TMTC2: variants seen among roughly 807,000 people sequenced by gnomAD.
TMTC2 encodes transmembrane O-mannosyltransferase targeting cadherins 2, also known as protein O-mannosyl-transferase TMTC2.
TMTC2 carries 43 observed loss-of-function variants against 82.4 expected under a neutral mutation model. The observed-to-expected ratio is 0.52, with a 90% CI of 0.41 to 0.67. The LOEUF (loss-of-function observed/expected upper bound fraction) is 0.67, where lower values mean the gene tolerates loss of function less well. Ranked by LOEUF, TMTC2 falls within the 30% of genes least tolerant of loss-of-function variation. The pLI, the probability that TMTC2 is intolerant of heterozygous loss-of-function variation, is 0.00. For synonymous variants in TMTC2, 408 were observed against 381.9 expected, an observed-to-expected ratio of 1.07 and a Z score of -0.80; for missense variants, 919 against 1,012.4, an observed-to-expected ratio of 0.91 and a Z score of 1.25.
intron 11 of TMTC2, among the ~76,000 whole-genome samples, chr12:83,082,528 T>C (rs1883507544): frequency 6.6e-6 from 1 of 152,232 alleles, no homozygotes; most frequent in Non-Finnish European, 1.5e-5. Context: ...TAGACTGTGC[T>C]TTCAGGTATA....
chr12:82,775,253 G>A (rs1426863421), intron 1 of TMTC2, among the ~76,000 whole-genome samples: 7 of 151,918 alleles, frequency 4.6e-5, no homozygotes, highest in Admixed American at 2.6e-4. Flanking sequence ...GTTTGAGACC[G>A]GCCTGGACAA....
intron 4 of TMTC2, among the ~76,000 whole-genome samples, chr12:82,947,024 G>A (rs1323805098): frequency 6.6e-6 from 1 of 151,956 alleles, no homozygotes; most frequent in Non-Finnish European, 1.5e-5. Flanking sequence ...TTACAGACGT[G>A]AGCCACCGCA....
At chr12:83,055,659 A>T (rs1040456221) in intron 10 of TMTC2, among the ~76,000 whole-genome samples, 11 of 151,812 alleles carry the variant, frequency 7.2e-5, no homozygotes, top group Non-Finnish European at 1.2e-4. Context: ...AGGGACTAAA[A>T]ACAAACTTTA....
Position 83,032,735 on chromosome 12 carries a change from AT to A in TMTC2, c.2152+1861del, listed in dbSNP as rs537602033. Among the ~76,000 whole-genome samples the A allele has an allele frequency of 8.2e-3, 1,243 of 151,188 alleles. 13 individuals are homozygous for A. Among genetic ancestry groups the A allele is most frequent in the African/African-American group, 0.029 (1,194 of 41,238 alleles). On this transcript the variant is annotated intron_variant, in intron 9 of 11. Coordinates refer to ENST00000321196, the MANE Select transcript of TMTC2 (RefSeq NM_152588.3). ...AATTTTTTATTTTTTATTTTTTTTT[AT>A]TTTTAGTAGAGATAGGGTTTCACCA...
chr12:82,923,321 A>G (rs892472574), intron 3 of TMTC2, among the ~76,000 whole-genome samples: 6 of 151,904 alleles, frequency 3.9e-5, no homozygotes, highest in African/African-American at 1.5e-4. Flanking sequence ...TCCTTTGCCT[A>G]TTTTTCCTCT....
At chr12:82,911,816 G>C (rs7297217) in intron 3 of TMTC2, among the ~76,000 whole-genome samples, 7,922 of 152,098 alleles carry the variant, frequency 0.052, 267 homozygotes, top group Middle Eastern at 0.068. Context: ...TGCCATGTTT[G>C]CTAGGCTGGT....
chr12:83,022,678 G>C (rs1880988967), intron 8 of TMTC2, among the ~76,000 whole-genome samples: 1 of 151,932 alleles, frequency 6.6e-6, no homozygotes, highest in African/African-American at 2.4e-5. Flanking sequence ...TTTTTTAACA[G>C]TCTACACTAG....
intron 8 of TMTC2, among the ~76,000 whole-genome samples, chr12:83,026,314 G>A (rs760546824): frequency 9.2e-5 from 14 of 152,126 alleles, no homozygotes; most frequent in Admixed American, 5.2e-4. Flanking sequence ...AAGGATTTTA[G>A]AAGTTCTCTA....
chr12:82,859,310 C>T (rs1425981745), intron 2 of TMTC2, among the ~76,000 whole-genome samples: 10 of 152,252 alleles, frequency 6.6e-5, no homozygotes, highest in Non-Finnish European at 1.5e-4. Context: ...TCGTGATCTG[C>T]CCGCCTTGGC....
At chr12:83,052,812 C>T (rs946699537) in intron 10 of TMTC2, among the ~76,000 whole-genome samples, 3 of 152,040 alleles carry the variant, frequency 2.0e-5, no homozygotes, top group South Asian at 2.1e-4. Flanking sequence ...TTGTTATATA[C>T]TGGCAGTGAG....
At chr12:82,855,898 A>G (rs1195805940) in intron 1 of TMTC2, among the ~76,000 whole-genome samples, 2 of 152,240 alleles carry the variant, frequency 1.3e-5, no homozygotes, top group Non-Finnish European at 2.9e-5. Context: ...CAGTTTTTAC[A>G]AAGTGCAGAC....
intron 1 of TMTC2, among the ~76,000 whole-genome samples, chr12:82,824,855 A>G (rs897249528): frequency 2.6e-5 from 4 of 152,154 alleles, no homozygotes; most frequent in Non-Finnish European, 2.9e-5. Flanking sequence ...TTGGGAGTCC[A>G]AGGCAGGCAG....
intron 4 of TMTC2, among the ~76,000 whole-genome samples, chr12:82,956,367 T>C (rs1354799217): frequency 6.6e-6 from 1 of 152,036 alleles, no homozygotes; most frequent in Non-Finnish European, 1.5e-5. Context: ...CACAGGCTCA[T>C]AGTAAAGGGT....
At chr12:82,996,311 A>C (rs1592681740) in intron 8 of TMTC2, among the ~76,000 whole-genome samples, 1 of 152,166 alleles carries the variant, frequency 6.6e-6, no homozygotes, top group Non-Finnish European at 1.5e-5. Flanking sequence ...GGTGAAGGGC[A>C]TGGGAGACCT....
intron 11 of TMTC2, among the ~76,000 whole-genome samples, chr12:83,082,854 T>C (rs908492418): frequency 4.6e-5 from 7 of 152,220 alleles, no homozygotes; most frequent in Non-Finnish European, 8.8e-5. Context: ...CTCAGTGACG[T>C]CCCTATTTGG....
chr12:82,698,800 C>T (rs1439398959), intron 1 of TMTC2, among the ~76,000 whole-genome samples: 1 of 152,068 alleles, frequency 6.6e-6, no homozygotes, highest in Non-Finnish European at 1.5e-5. Flanking sequence ...GTCACTTGAA[C>T]ACAAACACTG....
At chr12:83,091,836 T>C (rs1883857879) in intron 11 of TMTC2, among the ~76,000 whole-genome samples, 1 of 152,238 alleles carries the variant, frequency 6.6e-6, no homozygotes, top group Non-Finnish European at 1.5e-5. Context: ...TTAATTCATA[T>C]GGAATTTATT....
At chr12:83,010,751 T>C (rs1880417515) in intron 8 of TMTC2, among the ~76,000 whole-genome samples, 4 of 152,224 alleles carry the variant, frequency 2.6e-5, no homozygotes, top group Admixed American at 2.6e-4. Flanking sequence ...ATTCGTGAGA[T>C]ATGCCATATA....
At chr12:83,091,200 T>G (rs1001705766) in intron 11 of TMTC2, among the ~76,000 whole-genome samples, 2 of 152,208 alleles carry the variant, frequency 1.3e-5, no homozygotes, top group African/African-American at 4.8e-5. Flanking sequence ...GGCATTGAAC[T>G]AAACATTTTA....
Sources: allele counts gnomAD v4.1 joint callset (sites outside exome capture counted in the v4.1 genomes callset), GRCh38; gene constraint gnomAD v4.1.1; transcripts MANE v1.5; gene names NCBI Gene and HGNC (gene_info 2026-07-23, HGNC 2026-07-21).